The following EXT1 variants were observed in gnomAD, a reference collection of about 807,000 sequenced individuals.
EXT1 encodes exostosin-1.
A neutral mutation model predicts 82.5 loss-of-function variants in EXT1; 20 were observed. That is an observed-to-expected ratio of 0.24 (90% CI 0.17 to 0.35). The LOEUF (loss-of-function observed/expected upper bound fraction) is 0.35. Ranked by LOEUF, EXT1 falls within the 10% of genes least tolerant of loss-of-function variation. EXT1 has a pLI of 1.00. For synonymous variants in EXT1, 348 were observed against 350.8 expected, an observed-to-expected ratio of 0.99 and a Z score of 0.09; for missense variants, 757 against 936.5, an observed-to-expected ratio of 0.81 and a Z score of 2.50.
In EXT1 at chr8:117,796,808, G is replaced by A. The variant is rs1417027720; in HGVS notation, c.*2904C>T. On this transcript the variant is annotated 3_prime_UTR_variant, in exon 11 of 11. Transcript: ENST00000378204. ...GAGCCATTTTGCTAGCTTCAACAAA[G>A]GTGATATGTATTAATGTATTTGTAA... 1 of 152,058 alleles carries A rather than the reference G, an allele frequency of 6.6e-6. No individual in the cohort carries two copies. Among genetic ancestry groups the A allele is most frequent in the African/African-American group, 2.4e-5 (1 of 41,408 alleles). 9.4% of individuals were successfully genotyped at this position (152,058 alleles called of 1,614,324 possible).
At chr8:118,076,791 A>G (rs1020844229) in intron 1 of EXT1, among the ~76,000 whole-genome samples, 1 of 152,220 alleles carries the variant, frequency 6.6e-6, no homozygotes, top group Non-Finnish European at 1.5e-5. Flanking sequence ...CAGTTATAGA[A>G]TTGACTGCAA....
intron 5 of EXT1, 69 bp downstream of exon 5, chr8:117,822,396 A>C: frequency 7.2e-6 from 11 of 1,520,566 alleles, no homozygotes; most frequent in Non-Finnish European, 8.2e-6. Flanking sequence ...GTAGAAGAAT[A>C]AAGGCCTTTA....
chr8:117,889,340 T>C (rs901106847), intron 1 of EXT1, among the ~76,000 whole-genome samples: 1 of 152,196 alleles, frequency 6.6e-6, no homozygotes, highest in African/African-American at 2.4e-5. Flanking sequence ...ACACCGTAAC[T>C]AATTCAAGTT....
intron 1 of EXT1, among the ~76,000 whole-genome samples, chr8:118,023,021 T>C (rs1450442628): frequency 2.6e-5 from 4 of 152,206 alleles, no homozygotes; most frequent in Non-Finnish European, 4.4e-5. Context: ...GTAGCTTCTG[T>C]CTGGTGTCAT....
At chr8:117,874,557 C>T (rs912730660) in intron 1 of EXT1, among the ~76,000 whole-genome samples, 5 of 77,270 alleles carry the variant, frequency 6.5e-5, no homozygotes, top group African/African-American at 2.7e-4. Context: ...GCCTAGGCAA[C>T]AAAGTGAGAC....
At chr8:118,060,746 C>G (rs1319738864) in intron 1 of EXT1, among the ~76,000 whole-genome samples, 1 of 152,194 alleles carries the variant, frequency 6.6e-6, no homozygotes, top group Non-Finnish European at 1.5e-5. Context: ...GCAATTAGGG[C>G]TGTATCAACA....
intron 1 of EXT1, among the ~76,000 whole-genome samples, chr8:117,874,902 C>T (rs1339469913): frequency 6.6e-6 from 1 of 152,160 alleles, no homozygotes; most frequent in South Asian, 2.1e-4. Context: ...TGTCCATTAG[C>T]GGCTTTGACA....
At chr8:118,030,638 C>A (rs530587627) in intron 1 of EXT1, among the ~76,000 whole-genome samples, 1 of 152,110 alleles carries the variant, frequency 6.6e-6, no homozygotes, top group Non-Finnish European at 1.5e-5. Flanking sequence ...TGTGCCACCA[C>A]GCCCAGCTAA....
chr8:117,904,468 A>G (rs193168979), intron 1 of EXT1, among the ~76,000 whole-genome samples: 5 of 152,328 alleles, frequency 3.3e-5, no homozygotes, highest in African/African-American at 9.6e-5. Flanking sequence ...AAACATACCT[A>G]TTGCTTTATG....
At chr8:117,829,523 G>A (rs147003228) in intron 4 of EXT1, among the ~76,000 whole-genome samples, 1 of 150,468 alleles carries the variant, frequency 6.6e-6, no homozygotes, top group East Asian at 1.9e-4. Context: ...TCATATTTTT[G>A]GAATGGTAGA....
intron 1 of EXT1, among the ~76,000 whole-genome samples, chr8:117,984,314 G>C (rs1815267032): frequency 6.6e-6 from 1 of 152,096 alleles, no homozygotes; most frequent in African/African-American, 2.4e-5. Context: ...AGCTACTTGG[G>C]AGGCTGAGGC....
At chr8:117,803,346 C>A (rs1188604711) in intron 10 of EXT1, among the ~76,000 whole-genome samples, 1 of 151,996 alleles carries the variant, frequency 6.6e-6, no homozygotes, top group African/African-American at 2.4e-5. Context: ...CAAGCGTGCA[C>A]CACTATGACC....
At chr8:118,004,243 G>C (rs1815730189) in intron 1 of EXT1, among the ~76,000 whole-genome samples, 1 of 152,210 alleles carries the variant, frequency 6.6e-6, no homozygotes. Flanking sequence ...GATTCACGTG[G>C]CCATGTGTGC....
At chr8:117,983,547 C>G (rs189794657) in intron 1 of EXT1, among the ~76,000 whole-genome samples, 1 of 152,072 alleles carries the variant, frequency 6.6e-6, no homozygotes, top group Non-Finnish European at 1.5e-5. Context: ...GTAGTAACAG[C>G]CCCAATGTCA....
intron 1 of EXT1, among the ~76,000 whole-genome samples, chr8:118,040,399 G>T (rs1816507879): frequency 6.6e-6 from 1 of 152,184 alleles, no homozygotes; most frequent in Admixed American, 6.5e-5. Flanking sequence ...TTTTGAACAT[G>T]TTTCACACCT....
intron 1 of EXT1, among the ~76,000 whole-genome samples, chr8:117,915,628 A>G (rs2130000102): frequency 6.6e-6 from 1 of 152,290 alleles, no homozygotes; most frequent in South Asian, 2.1e-4. Context: ...ACCAAGGCAG[A>G]CAGATCACCT....
intron 1 of EXT1, among the ~76,000 whole-genome samples, chr8:118,058,580 T>C (rs904162227): frequency 6.6e-6 from 1 of 152,220 alleles, no homozygotes; most frequent in Non-Finnish European, 1.5e-5. Context: ...AGCTTAGACA[T>C]ATCTTTCACA....
chr8:118,080,089 G>A (rs1007978759), intron 1 of EXT1, among the ~76,000 whole-genome samples: 2 of 152,154 alleles, frequency 1.3e-5, no homozygotes, highest in Non-Finnish European at 2.9e-5. Context: ...CAATGCAACA[G>A]GGATTTGAAC....
At position 117,867,474 on chromosome 8, in the gene EXT1, T is replaced by C. The variant is rs183259046; in HGVS notation, c.963-30273A>G. Among the ~76,000 whole-genome samples the C allele has an allele frequency of 7.9e-5, 12 of 152,180 alleles. No homozygotes were observed. The East Asian group carries it at 2.1e-3, about 27-fold the overall frequency. ...AATTAGTGTGGATTTTCAAGGTGGTTTGTGTGAACTGGCTACCTGCCCATT... is the reference window on the plus strand; with the variant it reads ...AATTAGTGTGGATTTTCAAGGTGGTCTGTGTGAACTGGCTACCTGCCCATT... On this transcript the variant is annotated intron_variant, in intron 1 of 10. Transcript: ENST00000378204.
Sources: gnomAD v4.1 joint callset for allele counts (sites outside exome capture counted in the v4.1 genomes callset) on GRCh38, gnomAD v4.1.1 for gene constraint, MANE v1.5 for transcripts, NCBI Gene and HGNC (gene_info 2026-07-23, HGNC 2026-07-21) for gene names.